Variants in MAST4 observed in about 807,000 individuals in gnomAD.
The protein encoded by MAST4 is microtubule-associated serine/threonine-protein kinase 4.
Under a neutral mutation model 162.7 loss-of-function variants are expected in MAST4, and 89 were observed. The ratio of observed to expected loss-of-function variants is 0.55; its 90% CI spans 0.46 to 0.65. The LOEUF is 0.65. MAST4 is among the 30% of genes least tolerant of loss of function. The pLI, the probability that MAST4 is intolerant of heterozygous loss-of-function variation, is 0.00. For missense variants in MAST4, 3,153 were observed against 3,374.0 expected, an observed-to-expected ratio of 0.93 and a Z score of 1.62; for synonymous variants, 1,479 against 1,361.1, an observed-to-expected ratio of 1.09 and a Z score of -1.91.
intron 4 of MAST4, among the ~76,000 whole-genome samples, chr5:66,902,124 G>A (rs1447081691): frequency 1.3e-5 from 2 of 152,162 alleles, no homozygotes; most frequent in Admixed American, 1.3e-4. Flanking sequence ...CTCTCAGAAA[G>A]ATTGGGGTTT....
At chr5:66,814,042 TC>T (rs766575777) in intron 3 of MAST4, among the ~76,000 whole-genome samples, 9 of 152,130 alleles carry the variant, frequency 5.9e-5, no homozygotes, top group Non-Finnish European at 1.0e-4. Flanking sequence ...GGGGACCTGA[TC>T]CGGGGGACCT....
Position 67,163,672 on chromosome 5 carries a change from C to A in MAST4, c.4493C>A (p.Pro1498Gln), listed in dbSNP as rs1442218096. ...GATGAGAACGTGTGCGACGTGCCGC[C>A]GCTCAGCCGCGCCCGGCCAGTGGAG... is the stretch of plus-strand genomic sequence containing the variant. ...SLDENVCDVP[P>Q]LSRARPVEQG... The change falls in exon 29 of 29, where the codon CCG (proline) becomes CAG (glutamine). Residue 1498 changes from proline (P) to glutamine (Q), a missense_variant. Pro to Gln is a moderately conservative substitution (Grantham distance 76). This residue lies in a region of MAST4 where 1,644 missense variants were observed against 1,495.0 expected (regional missense o/e 1.10). Transcript: ENST00000403625. This position sits in a 1 kb window ranked among gnomAD's most constrained non-coding sequence, Gnocchi z 7.0. 10 of 1,608,166 alleles carry A rather than the reference C, an allele frequency of 6.2e-6. No individual in the cohort carries two copies. The East Asian group carries it at 1.8e-4, about 29-fold the overall frequency.
chr5:66,915,738 T>TG (rs955159437), intron 4 of MAST4, among the ~76,000 whole-genome samples: 8 of 152,028 alleles, frequency 5.3e-5, no homozygotes, highest in Admixed American at 4.6e-4. Context: ...CCTCCTGCAC[T>TG]GGGGGGCTAG....
At chr5:66,792,716 A>G (rs1755473529) in intron 3 of MAST4, among the ~76,000 whole-genome samples, 1 of 152,216 alleles carries the variant, frequency 6.6e-6, no homozygotes, top group African/African-American at 2.4e-5. Flanking sequence ...TGAGTTTCAC[A>G]TCAGCCACTC....
chr5:66,802,431 C>T (rs575068141), intron 3 of MAST4, among the ~76,000 whole-genome samples: 27 of 152,198 alleles, frequency 1.8e-4, no homozygotes, highest in Middle Eastern at 3.4e-3. Flanking sequence ...CTTTATGGGA[C>T]TTAGTGTTCT....
intron 3 of MAST4, among the ~76,000 whole-genome samples, chr5:66,897,402 G>A (rs779549163): frequency 4.6e-5 from 7 of 152,208 alleles, no homozygotes; most frequent in South Asian, 2.1e-4. Context: ...GTTCATTGAC[G>A]TCTGACAGGT....
intron 15 of MAST4, among the ~76,000 whole-genome samples, chr5:67,131,476 C>G (rs1417594025): frequency 6.6e-6 from 1 of 152,118 alleles, no homozygotes. Context: ...AGGATTTGGA[C>G]TCAGGTAGCC....
intron 3 of MAST4, among the ~76,000 whole-genome samples, chr5:66,828,087 C>T (rs1372922541): frequency 2.0e-5 from 3 of 152,166 alleles, no homozygotes; most frequent in Admixed American, 6.5e-5. Context: ...CTCCACCCAA[C>T]CTTTTTACAT....
At chr5:66,720,599 C>G (rs777342899) in intron 1 of MAST4, among the ~76,000 whole-genome samples, 24 of 152,002 alleles carry the variant, frequency 1.6e-4, no homozygotes, top group Non-Finnish European at 3.2e-4. Flanking sequence ...TATTTTTTCT[C>G]TTCCTTGATG....
At chr5:66,717,166 G>A (rs1344537093) in intron 1 of MAST4, among the ~76,000 whole-genome samples, 1 of 152,156 alleles carries the variant, frequency 6.6e-6, no homozygotes, top group Admixed American at 6.5e-5. Context: ...ATGGGCCCAG[G>A]ACTATCCAGC....
At chr5:66,686,103 C>T (rs1009406046) in intron 1 of MAST4, among the ~76,000 whole-genome samples, 1 of 152,048 alleles carries the variant, frequency 6.6e-6, no homozygotes, top group Non-Finnish European at 1.5e-5. Flanking sequence ...CTGGGTGTCG[C>T]GGACCTCTGC....
chr5:66,837,892 ATATT>A (rs1477650910), intron 3 of MAST4, among the ~76,000 whole-genome samples: 8 of 35,012 alleles, frequency 2.3e-4, no homozygotes, highest in East Asian at 1.8e-3. Flanking sequence ...ATATATATAT[ATATT>A]TTTTTTTTTT....
intron 2 of MAST4, among the ~76,000 whole-genome samples, chr5:66,779,380 T>G (rs1431340180): frequency 1.3e-5 from 2 of 149,360 alleles, no homozygotes; most frequent in Non-Finnish European, 3.0e-5. Context: ...CTTGTGTGAG[T>G]AAACACATAG....
intron 4 of MAST4, among the ~76,000 whole-genome samples, chr5:67,042,641 C>T (rs1228456850): frequency 6.6e-6 from 1 of 151,994 alleles, no homozygotes; most frequent in African/African-American, 2.4e-5. Flanking sequence ...AGGATAAACA[C>T]GCAACTAATT....
intron 3 of MAST4, among the ~76,000 whole-genome samples, chr5:66,853,395 A>G (rs1759453783): frequency 6.6e-6 from 1 of 152,184 alleles, no homozygotes; most frequent in Non-Finnish European, 1.5e-5. Flanking sequence ...GATTCTGTGG[A>G]AAAGCTGATG....
chr5:66,771,095 C>T (rs1230117838), intron 2 of MAST4, among the ~76,000 whole-genome samples: 1 of 152,136 alleles, frequency 6.6e-6, no homozygotes, highest in African/African-American at 2.4e-5. Flanking sequence ...CAACATGCAC[C>T]AGAGAGGAGG....
At position 67,165,960 on chromosome 5, in the gene MAST4, A is replaced by G. The variant is rs1304410641; in HGVS notation, c.6781A>G (p.Ser2261Gly). ...TACCCCAGGCTCCCAGAACAAAGCC[A>G]GCGATGGGATTGGCCAGGGAGAAGG... ...PATPGSQNKASDGIGQGEGGP... is the reference protein window; with the variant it reads ...PATPGSQNKAGDGIGQGEGGP... Residue 2261 changes from serine (S) to glycine (G), a missense_variant, in exon 29 of 29, where the codon AGC becomes GGC. By Grantham distance (56) the Ser-to-Gly change is moderately conservative. Transcript: ENST00000403625. 11 of 1,613,454 alleles carry G rather than the reference A, an allele frequency of 6.8e-6. No homozygotes were observed. The South Asian group carries it at 1.2e-4, about 18-fold the overall frequency.
At chr5:66,964,676 C>T (rs1746464930) in intron 4 of MAST4, among the ~76,000 whole-genome samples, 1 of 152,144 alleles carries the variant, frequency 6.6e-6, no homozygotes, top group Admixed American at 6.5e-5. Context: ...TGGTGGGCGC[C>T]TTAGTCCCAG....
chr5:66,970,515 C>T (rs1001729480), intron 4 of MAST4, among the ~76,000 whole-genome samples: 3 of 152,208 alleles, frequency 2.0e-5, no homozygotes, highest in Non-Finnish European at 4.4e-5. Context: ...GTCTCTGCAG[C>T]GCCTTGACTC....
Sources: gnomAD v4.1 joint callset for allele counts (sites outside exome capture counted in the v4.1 genomes callset) on GRCh38, gnomAD v4.1.1 for gene constraint, gnomAD v4.1.1 regional missense constraint, Gnocchi (gnomAD v3.1) non-coding constraint, MANE v1.5 for transcripts, NCBI Gene and HGNC (gene_info 2026-07-23, HGNC 2026-07-21) for gene names.